Variants in ERC2 observed in about 807,000 individuals in gnomAD.
The protein encoded by ERC2 is ELKS/RAB6-interacting/CAST family member 2, also known as ERC protein 2.
ERC2 carries 42 observed loss-of-function variants against 114.8 expected under a neutral mutation model. The observed-to-expected ratio is 0.37, with a 90% CI of 0.29 to 0.47. ERC2 has a LOEUF of 0.47. Among genes scored for constraint, ERC2 ranks in the 20% least tolerant of loss-of-function variants. The pLI, the probability that ERC2 is intolerant of heterozygous loss-of-function variation, is 0.99. For missense variants in ERC2, 939 were observed against 1,150.7 expected (o/e 0.82, Z 2.66); for synonymous variants, 454 against 425.5 (o/e 1.07, Z -0.82).
chr3:55,806,138 C>T (rs1364597104), intron 14 of ERC2, among the ~76,000 whole-genome samples: 2 of 151,954 alleles, frequency 1.3e-5, no homozygotes, highest in African/African-American at 2.4e-5. Context: ...AGTTCGACAC[C>T]AGCCTGACCA....
intron 3 of ERC2, among the ~76,000 whole-genome samples, chr3:56,291,290 G>T (rs552197504): frequency 6.6e-6 from 1 of 152,228 alleles, no homozygotes; most frequent in East Asian, 1.9e-4. Context: ...GACAATGCTA[G>T]TGAGTAATGC....
At chr3:55,548,823 G>A (rs2107396398) in intron 17 of ERC2, among the ~76,000 whole-genome samples, 1 of 152,276 alleles carries the variant, frequency 6.6e-6, no homozygotes, top group East Asian at 1.9e-4. Context: ...CAGGCAAACT[G>A]GGAGAGTTCC....
chr3:55,957,418 T>C (rs766363596), intron 12 of ERC2, among the ~76,000 whole-genome samples: 2 of 152,182 alleles, frequency 1.3e-5, no homozygotes, highest in Non-Finnish European at 2.9e-5. Flanking sequence ...TTAATAAACC[T>C]AAGGCTCTTA....
chr3:56,092,115 G>C (rs926079317), intron 6 of ERC2, among the ~76,000 whole-genome samples: 1 of 152,110 alleles, frequency 6.6e-6, no homozygotes, highest in Non-Finnish European at 1.5e-5. Context: ...AGAATTCAGG[G>C]ATATTTAGTA....
chr3:55,692,398 A>G (rs1376053046), intron 16 of ERC2, among the ~76,000 whole-genome samples: 2 of 152,192 alleles, frequency 1.3e-5, no homozygotes, highest in Non-Finnish European at 2.9e-5. Context: ...AAAAAGAACT[A>G]GGGCCAGGAA....
In ERC2 at chr3:55,829,735, G is replaced by C. The variant is rs151291116; in HGVS notation, c.2564+58654C>G. Among the ~76,000 whole-genome samples, 9 of 152,126 alleles carry C rather than the reference G, an allele frequency of 5.9e-5. No individual in the cohort carries two copies. The East Asian group carries it at 1.5e-3, about 26-fold the overall frequency. On this transcript the variant is annotated intron_variant, in intron 14 of 17. Coordinates refer to ENST00000288221, the MANE Select transcript of ERC2 (RefSeq NM_015576.3). ...GTGTCTCACTATATTGCCCAGGCTG[G>C]TCTCATCTCAAACTCCTGGGCTCAA...
intron 13 of ERC2, among the ~76,000 whole-genome samples, chr3:55,943,343 G>A (rs2066924322): frequency 6.6e-6 from 1 of 152,134 alleles, no homozygotes; most frequent in South Asian, 2.1e-4. Flanking sequence ...ACGTGTTATG[G>A]AGTAAAATAG....
chr3:55,937,756 T>A (rs1021038778), intron 13 of ERC2, among the ~76,000 whole-genome samples: 3 of 152,232 alleles, frequency 2.0e-5, no homozygotes, highest in Non-Finnish European at 1.5e-5. Context: ...TATCTATATC[T>A]CTGTAAGTTT....
At chr3:56,307,655 C>T (rs748683559) in intron 2 of ERC2, among the ~76,000 whole-genome samples, 21 of 152,212 alleles carry the variant, frequency 1.4e-4, no homozygotes, top group Non-Finnish European at 2.6e-4. Flanking sequence ...GCCACTGAAA[C>T]ATTAAGCATC....
At chr3:55,515,726 C>T (rs571556052) in intron 17 of ERC2, among the ~76,000 whole-genome samples, 1 of 152,108 alleles carries the variant, frequency 6.6e-6, no homozygotes, top group East Asian at 1.9e-4. Flanking sequence ...GGTGACTGAG[C>T]ACAGCAGTAA....
At chr3:56,394,255 A>G (rs79464184) in intron 2 of ERC2, among the ~76,000 whole-genome samples, 3,676 of 152,330 alleles carry the variant, frequency 0.024, 44 homozygotes, top group South Asian at 0.07. Flanking sequence ...ATCTCAAACT[A>G]TGGAGATGAA....
chr3:55,861,250 C>G (rs2062015328), intron 14 of ERC2, among the ~76,000 whole-genome samples: 1 of 152,230 alleles, frequency 6.6e-6, no homozygotes, highest in Non-Finnish European at 1.5e-5. Context: ...TCTTGAGGAA[C>G]CTCCACTCCT....
chr3:55,795,650 C>A (rs9873405), intron 14 of ERC2, among the ~76,000 whole-genome samples: 8,137 of 152,168 alleles, frequency 0.053, 302 homozygotes, highest in African/African-American at 0.099. Flanking sequence ...CAACTCTGTA[C>A]GTAACCAAGA....
intron 13 of ERC2, among the ~76,000 whole-genome samples, chr3:55,916,693 C>G (rs1460811050): frequency 3.9e-5 from 6 of 152,132 alleles, no homozygotes; most frequent in African/African-American, 1.4e-4. Flanking sequence ...GACTGTTATT[C>G]AGCTTCAGGA....
At chr3:55,743,976 T>C (rs1192086845) in intron 14 of ERC2, among the ~76,000 whole-genome samples, 1 of 152,158 alleles carries the variant, frequency 6.6e-6, no homozygotes, top group African/African-American at 2.4e-5. Context: ...ACCCTAATTT[T>C]CCATGCCTAA....
chr3:56,371,305 G>T (rs1435587900), intron 2 of ERC2, among the ~76,000 whole-genome samples: 2 of 152,070 alleles, frequency 1.3e-5, no homozygotes, highest in African/African-American at 4.8e-5. Flanking sequence ...TCCAACTCAG[G>T]GCCTAGAAAA....
chr3:56,176,271 GGA>G (rs2082974015), intron 3 of ERC2, among the ~76,000 whole-genome samples: 1 of 152,136 alleles, frequency 6.6e-6, no homozygotes, highest in Non-Finnish European at 1.5e-5. Flanking sequence ...TATAACTTGA[GGA>G]GAGAGGTTAA....
chr3:55,693,422 G>T (rs1372019690), intron 16 of ERC2, among the ~76,000 whole-genome samples: 1 of 152,110 alleles, frequency 6.6e-6, no homozygotes, highest in Non-Finnish European at 1.5e-5. Flanking sequence ...AGTGAGCAAG[G>T]GAATGTGAGT....
chr3:55,999,868 T>C (rs1227034082), intron 10 of ERC2, among the ~76,000 whole-genome samples: 1 of 151,654 alleles, frequency 6.6e-6, no homozygotes, highest in African/African-American at 2.4e-5. Flanking sequence ...ATTGACAAAG[T>C]GATCCTAAAA....
Sources: gnomAD v4.1 joint callset for allele counts (sites outside exome capture counted in the v4.1 genomes callset) on GRCh38, gnomAD v4.1.1 for gene constraint, MANE v1.5 for transcripts, NCBI Gene and HGNC (gene_info 2026-07-23, HGNC 2026-07-21) for gene names.